OAS2: variants seen among roughly 807,000 people sequenced by gnomAD.
OAS2 encodes 2'-5'-oligoadenylate synthetase 2, also known as 2'-5'-oligoadenylate synthase 2.
Under a neutral mutation model 71.3 loss-of-function variants are expected in OAS2, and 67 were observed. The observed-to-expected ratio is 0.94, with a 90% CI of 0.77 to 1.15. The LOEUF (loss-of-function observed/expected upper bound fraction) is 1.15, where lower values mean the gene tolerates loss of function less well. Among genes scored for constraint, OAS2 ranks in the 50% most tolerant of loss-of-function variants. The pLI is 0.00. For synonymous variants in OAS2, 327 were observed against 321.8 expected (o/e 1.02, Z -0.17); for missense variants, 789 against 822.5 (o/e 0.96, Z 0.50).
intron 8 of OAS2, among the ~76,000 whole-genome samples, 194 bp downstream of exon 8, chr12:113,006,794 A>G (rs2044339033): frequency 1.3e-5 from 2 of 152,184 alleles, no homozygotes; most frequent in African/African-American, 4.8e-5. Flanking sequence ...TCTGCCCATC[A>G]AAGCTGCTAC....
rs1256875106 is a variant in OAS2, at chr12:113,010,319, C to G, written c.*1064C>G. ...CCTTTTTTCCCCTAACTCTTTTAAG[C>G]AATGATTGTAACTATTAGGAGACAT... On this transcript the variant is annotated 3_prime_UTR_variant, in exon 10 of 10. Coordinates refer to ENST00000392583, the MANE Select transcript of OAS2 (RefSeq NM_002535.3). 1 of 1,559,908 alleles carries G rather than the reference C, an allele frequency of 6.4e-7. No individual in the cohort carries two copies. The highest frequency in any genetic ancestry group is 2.3e-5 in the East Asian group (1 of 43,724).
chr12:112,982,086 T>C (rs57293411), intron 1 of OAS2, among the ~76,000 whole-genome samples: 6,191 of 152,230 alleles, frequency 0.041, 412 homozygotes, highest in African/African-American at 0.14. Context: ...TTTTGTATCC[T>C]GCAACTTTAC....
rs567414581 is a variant in OAS2, at chr12:112,981,165, G to A, written c.177+2380G>A. On this transcript the variant is annotated intron_variant, in intron 1 of 9. Coordinates refer to ENST00000392583, the MANE Select transcript of OAS2 (RefSeq NM_002535.3). ...TCCAAATATTTTCTCCCATTCTACA[G>A]CTTGTCTTTTCACTCTTGATTGTTC... 1.2e-3 allele frequency among the ~76,000 whole-genome samples: 184 copies of A among 152,198 alleles called. 1 individual carries two copies. Among genetic ancestry groups the A allele is most frequent in the Admixed American group, 2.8e-3 (43 of 15,290 alleles).
At chr12:113,001,863 CAAAA>C (rs71086131) in intron 5 of OAS2, among the ~76,000 whole-genome samples, 8 of 21,862 alleles carry the variant, frequency 3.7e-4, no homozygotes, top group South Asian at 2.7e-3. Flanking sequence ...CCCATCTCTA[CAAAA>C]AAAAAAAAAA....
In OAS2 at chr12:113,010,239, A is replaced by G; in HGVS notation, c.*984A>G. 1 of 1,474,294 alleles carries G rather than the reference A, an allele frequency of 6.8e-7. No individual in the cohort carries two copies. Among genetic ancestry groups the G allele is most frequent in the Non-Finnish European group, 8.9e-7 (1 of 1,120,958 alleles). 91.3% of individuals were successfully genotyped at this position (1,474,294 alleles called of 1,614,324 possible). A position where few individuals can be genotyped will look rare whatever the true frequency, so the allele number is the denominator to read the frequency against. On this transcript the variant is annotated 3_prime_UTR_variant, in exon 10 of 10. Coordinates refer to ENST00000392583, the MANE Select transcript of OAS2 (RefSeq NM_002535.3). ...CTAATTATTAAGATATGCATTATAA[A>G]TAAATACCAAAAAATTGTCTCTGGC...
At chr12:112,982,807 G>A (rs941636635) in intron 1 of OAS2, among the ~76,000 whole-genome samples, 5 of 152,050 alleles carry the variant, frequency 3.3e-5, no homozygotes, top group Non-Finnish European at 7.4e-5. Context: ...CTAGTCCTGG[G>A]CTATTCTTTG....
intron 7 of OAS2, among the ~76,000 whole-genome samples, chr12:113,005,605 C>T (rs990322054): frequency 2.0e-5 from 3 of 151,458 alleles, no homozygotes; most frequent in Non-Finnish European, 4.4e-5. Flanking sequence ...TAGAGGCTCA[C>T]ACCTGTAATC....
chr12:112,999,952 GC>G (rs34532414), intron 5 of OAS2, among the ~76,000 whole-genome samples: 3,037 of 152,040 alleles, frequency 0.02, 42 homozygotes, highest in Non-Finnish European at 0.028. Context: ...CGCTACATTG[GC>G]CAGGCTGGTC....
At chr12:112,999,120 T>G (rs1377901959) in intron 5 of OAS2, among the ~76,000 whole-genome samples, 1 of 152,210 alleles carries the variant, frequency 6.6e-6, no homozygotes, top group South Asian at 2.1e-4. Context: ...CAGTCAGGCC[T>G]GTGGATGCCA....
chr12:113,006,855 A>G (rs2044339627), intron 8 of OAS2, among the ~76,000 whole-genome samples: 1 of 152,224 alleles, frequency 6.6e-6, no homozygotes, highest in Non-Finnish European at 1.5e-5. Flanking sequence ...CAGGAATCCA[A>G]GTGACCTTGC....
At position 113,005,936 on chromosome 12, in the gene OAS2, A is replaced by C. The variant is rs1282246186; in HGVS notation, c.1469-477A>C. ...ACAACAACAAAAAAAAAAAAAAAAA[A>C]AAAAAAAAAAAAAAACAAGAAGCAG... On this transcript the variant is annotated intron_variant, in intron 7 of 9. Transcript: ENST00000392583. Among the ~76,000 whole-genome samples, 138 of 148,326 alleles carry C rather than the reference A, an allele frequency of 9.3e-4. 1 individual carries two copies. The highest frequency in any genetic ancestry group is 2.8e-3 in the African/African-American group (114 of 40,530).
At chr12:112,992,296 C>G (rs1565992672) in intron 2 of OAS2, among the ~76,000 whole-genome samples, 2 of 151,452 alleles carry the variant, frequency 1.3e-5, no homozygotes, top group Non-Finnish European at 2.9e-5. Context: ...GAGACTGAGG[C>G]AGGAGGATCA....
rs1424094818 is a variant in OAS2 at position 113,007,966 on chromosome 12, C to T, written c.1895+23C>T. ...CAGGTGCCTTCACCCTAGCCCCGTA[C>T]TTTTCTTAACCTGATTCCCTTGAAC... On this transcript the variant is annotated intron_variant, in intron 9 of 9. Transcript: ENST00000392583. The T allele has an allele frequency of 2.6e-6, 4 of 1,535,766 alleles. No homozygotes were observed. The Admixed American group carries it at 5.0e-5, about 19-fold the overall frequency.
At chr12:112,996,004 G>C (rs1464092774) in intron 3 of OAS2, among the ~76,000 whole-genome samples, 1 of 152,030 alleles carries the variant, frequency 6.6e-6, no homozygotes, top group Non-Finnish European at 1.5e-5. Context: ...GTTTCACCAT[G>C]TTGCCCAGGC....
intron 9 of OAS2, among the ~76,000 whole-genome samples, chr12:113,008,783 CG>C (rs1565998705): frequency 2.0e-5 from 3 of 152,124 alleles, no homozygotes; most frequent in African/African-American, 7.2e-5. Context: ...CGCACCACCA[CG>C]CCCAGCTAAT....
chr12:113,003,458 G>A (rs2044306735), intron 6 of OAS2, among the ~76,000 whole-genome samples: 2 of 151,994 alleles, frequency 1.3e-5, no homozygotes, highest in Admixed American at 1.3e-4. Flanking sequence ...AGGATTTAGG[G>A]CCCAGCCTGA....
At chr12:112,991,612 G>T (rs1396386027) in intron 2 of OAS2, among the ~76,000 whole-genome samples, 2 of 152,226 alleles carry the variant, frequency 1.3e-5, no homozygotes, top group Non-Finnish European at 1.5e-5. Flanking sequence ...ACCAATGGTT[G>T]CATTCCTCTG....
At chr12:112,993,484 C>T (rs1168679097) in intron 2 of OAS2, among the ~76,000 whole-genome samples, 1 of 152,206 alleles carries the variant, frequency 6.6e-6, no homozygotes, top group Non-Finnish European at 1.5e-5. Flanking sequence ...CCGTCAACCT[C>T]CCTGCATGCC....
chr12:112,990,566 C>T (rs1437470095), intron 2 of OAS2, among the ~76,000 whole-genome samples: 2 of 152,230 alleles, frequency 1.3e-5, no homozygotes, highest in Admixed American at 6.5e-5. Flanking sequence ...TAAAATCTCT[C>T]CTGAATCAGG....
Sources: gnomAD v4.1 joint callset for allele counts (sites outside exome capture counted in the v4.1 genomes callset) on GRCh38, gnomAD v4.1.1 for gene constraint, MANE v1.5 for transcripts, NCBI Gene and HGNC (gene_info 2026-07-23, HGNC 2026-07-21) for gene names.